Variants in FIGNL2 observed in about 807,000 individuals in gnomAD.
The protein encoded by FIGNL2 is fidgetin like 2, also known as fidgetin-like protein 2.
For synonymous variants in FIGNL2, 565 were observed against 484.0 expected, an observed-to-expected ratio of 1.17 and a Z score of -2.20; for missense variants, 1,060 against 950.2, an observed-to-expected ratio of 1.12 and a Z score of -1.52.
chr12:51,818,305 C>A lies in FIGNL2; in HGVS notation c.*2147G>T, dbSNP rs1279199147. 1 of 152,180 alleles carries A rather than the reference C, an allele frequency of 6.6e-6. No individual in the cohort carries two copies. The highest frequency in any genetic ancestry group is 2.4e-5 in the African/African-American group (1 of 41,408). The allele number at this position is 152,180 out of a possible 1,614,324, so 9.4% of individuals were successfully genotyped here. On this transcript the variant is annotated 3_prime_UTR_variant, in exon 2 of 2. Transcript: ENST00000618634. The stretch of plus-strand genomic sequence containing the variant: ...AGTAGAGAAAGCGGTGGGGACTCCA[C>A]CTCCCAGAGCTCCCTGCCTCTTGAA...
At position 51,820,615 on chromosome 12, in the gene FIGNL2, T is replaced by G; in HGVS notation, c.1799A>C (p.Gln600Pro). 1 of 1,525,554 alleles carries G rather than the reference T, an allele frequency of 6.6e-7. No individual in the cohort carries two copies. Among genetic ancestry groups the G allele is most frequent in the Non-Finnish European group, 8.7e-7 (1 of 1,142,974 alleles). The allele number at this position is 1,525,554 out of a possible 1,614,324, so 94.5% of individuals were successfully genotyped here. A position where few individuals can be genotyped will look rare whatever the true frequency, so the allele number is the denominator to read the frequency against. The stretch of plus-strand genomic sequence containing the variant: ...CCCGGCCGCCGCCTGCTGGCACAGC[T>G]GCCCCAGCTCGCCCCCAGAGAAGCC... ...TQGFSGGELG[Q>P]LCQQAAAGAG... Residue 600 changes from glutamine (Q) to proline (P), a missense_variant, in exon 2 of 2, where the codon CAG becomes CCG. Gln to Pro is a moderately conservative substitution (Grantham distance 76). Transcript: ENST00000618634.
rs910478732 is a variant in FIGNL2 at position 51,847,053 on chromosome 12, C to G, written c.-12+1487G>C. The G allele has an allele frequency of 2.3e-5, 23 of 985,266 alleles. No individual in the cohort carries two copies. The African/African-American group carries it at 3.7e-4, about 16-fold the overall frequency. The allele number at this position is 985,266 out of a possible 1,614,324, so 61.0% of individuals were successfully genotyped here. ...CCCCTGCCCGCAGCTCGCGCGGCCG[C>G]CCGGTACCCGCGTCCCACAGCTGGG... On this transcript the variant is annotated intron_variant, in intron 1 of 1. Coordinates refer to ENST00000618634, the MANE Select transcript of FIGNL2 (RefSeq NM_001384995.1).
At chr12:51,843,111 T>TC (rs1282441617) in intron 1 of FIGNL2, among the ~76,000 whole-genome samples, 2 of 152,122 alleles carry the variant, frequency 1.3e-5, no homozygotes, top group Non-Finnish European at 2.9e-5. Flanking sequence ...CAGAGCCTGG[T>TC]CCATAGGTGT....
In FIGNL2 at chr12:51,820,024, T is replaced by G; in HGVS notation, c.*428A>C. Reference sequence around the variant, plus strand: ...AGGGCCAGCATGGGGTGGGCAGGGGTGTCAGCGACAAAGCAAAAGGGAGAG... The same window carrying G: ...AGGGCCAGCATGGGGTGGGCAGGGGGGTCAGCGACAAAGCAAAAGGGAGAG... On this transcript the variant is annotated 3_prime_UTR_variant, in exon 2 of 2. Transcript: ENST00000618634. 2 of 192,328 alleles carry G rather than the reference T, an allele frequency of 1.0e-5. No homozygotes were observed. Among genetic ancestry groups the G allele is most frequent in the Non-Finnish European group, 2.1e-5 (2 of 93,542 alleles). The allele number at this position is 192,328 out of a possible 1,614,324, so 11.9% of individuals were successfully genotyped here.
intron 1 of FIGNL2, among the ~76,000 whole-genome samples, chr12:51,838,227 G>T (rs946831594): frequency 2.6e-5 from 4 of 152,200 alleles, no homozygotes; most frequent in African/African-American, 9.7e-5. Flanking sequence ...TGCCCTGTCT[G>T]TGTGCTTCCC....
chr12:51,822,314 A>C lies in FIGNL2; in HGVS notation c.100T>G (p.Leu34Val). 2 of 1,612,592 alleles carry C rather than the reference A, an allele frequency of 1.2e-6. No individual in the cohort carries two copies. The highest frequency in any genetic ancestry group is 2.2e-5 in the South Asian group (2 of 90,748). The change falls in exon 2 of 2, where the codon TTG (leucine) becomes GTG (valine). Residue 34 changes from leucine to valine, a missense_variant. Coordinates refer to ENST00000618634, the MANE Select transcript of FIGNL2 (RefSeq NM_001384995.1). ...TTPSPAHKLE[L>V]PPGGRQRCHY... ...CAGCGTTGGCGACCCCCAGGGGGCAACTCCAACTTGTGGGCCGGCGACGGG... is the reference window on the plus strand; with the variant it reads ...CAGCGTTGGCGACCCCCAGGGGGCACCTCCAACTTGTGGGCCGGCGACGGG...
chr12:51,848,064 A>T, intron 1 of FIGNL2: 1 of 891,690 alleles, frequency 1.1e-6, no homozygotes, highest in South Asian at 5.2e-5. Context: ...CCGGGCCAGT[A>T]ACCCAGCCCC....
In FIGNL2 at chr12:51,821,934, G is replaced by A. The variant is rs1220543169; in HGVS notation, c.480C>T (p.Ala160=). ...GCGCCAGGTACCCCCCGCCGTAGCC[G>A]GCCGCGTACTCGGGCGCCGCCGATG... ...GGPSAAPEYA[A]GYGGGYLAPG... is the part of the protein sequence containing the mutation. The change falls in exon 2 of 2, where the codon GCC becomes GCT. Residue 160 remains alanine, a synonymous_variant. Coordinates refer to ENST00000618634, the MANE Select transcript of FIGNL2 (RefSeq NM_001384995.1). The A allele has an allele frequency of 2.0e-6, 3 of 1,510,884 alleles. No homozygotes were observed. Among genetic ancestry groups the A allele is most frequent in the Admixed American group, 2.3e-5 (1 of 43,388 alleles). 93.6% of individuals were successfully genotyped at this position (1,510,884 alleles called of 1,614,324 possible).
intron 1 of FIGNL2, among the ~76,000 whole-genome samples, chr12:51,830,116 C>T (rs1258515392): frequency 6.6e-6 from 1 of 152,044 alleles, no homozygotes; most frequent in East Asian, 1.9e-4. Flanking sequence ...TGGTGAAACT[C>T]CATCTCTACT....
chr12:51,836,487 G>A lies in FIGNL2; in HGVS notation c.-12+12053C>T, dbSNP rs376894059. ...TCCGGGGGTCACAGCTGTGTCCCCC[G>A]AGGCCTGGCCAGTCTCTCATGTCCA... On this transcript the variant is annotated intron_variant, in intron 1 of 1. Transcript: ENST00000618634. 8.5e-5 allele frequency among the ~76,000 whole-genome samples: 13 copies of A among 152,260 alleles called. No homozygotes were observed. The East Asian group carries it at 2.1e-3, about 25-fold the overall frequency.
In FIGNL2 at chr12:51,821,670, G is replaced by A. The variant is rs1366154778; in HGVS notation, c.744C>T (p.Thr248=). The A allele has an allele frequency of 6.4e-6, 9 of 1,408,698 alleles. No individual in the cohort carries two copies. The South Asian group carries it at 1.2e-4, about 19-fold the overall frequency. The allele number at this position is 1,408,698 out of a possible 1,614,324, so 87.3% of individuals were successfully genotyped here. ...GCGCGGCCGTGGGGAAGCCATAGGC[G>A]GTGGGCGGTGCCGGCGCGGGCAGGG... ...PTPLPAPAPP[T]AYGFPTAAPG... Residue 248 remains threonine, a synonymous_variant, in exon 2 of 2, where the codon ACC becomes ACT. Transcript: ENST00000618634.
chr12:51,835,427 G>C (rs1343113884), intron 1 of FIGNL2: 4 of 152,256 alleles, frequency 2.6e-5, no homozygotes, highest in Admixed American at 1.3e-4. Context: ...AAGGAACATA[G>C]TGTGGCGGGA....
At chr12:51,823,045 C>G (rs901305314) in intron 1 of FIGNL2, among the ~76,000 whole-genome samples, 1 of 152,230 alleles carries the variant, frequency 6.6e-6, no homozygotes, top group Non-Finnish European at 1.5e-5. Flanking sequence ...ATGGGACTGC[C>G]TTATCCATGG....
At chr12:51,835,719 C>G (rs1939568508) in intron 1 of FIGNL2, among the ~76,000 whole-genome samples, 1 of 152,038 alleles carries the variant, frequency 6.6e-6, no homozygotes. Context: ...ATAGAAAGTT[C>G]TATCGGACGG....
chr12:51,838,851 G>A (rs1011221801), intron 1 of FIGNL2, among the ~76,000 whole-genome samples: 2 of 152,134 alleles, frequency 1.3e-5, no homozygotes, highest in Non-Finnish European at 2.9e-5. Context: ...TAATCCTGGA[G>A]CTGCCTGCGG....
At chr12:51,825,111 GT>G (rs60029830) in intron 1 of FIGNL2, among the ~76,000 whole-genome samples, 1,769 of 147,894 alleles carry the variant, frequency 0.012, 24 homozygotes, top group African/African-American at 0.039. Context: ...CCACAAATCT[GT>G]TTTTTTTTTT....
chr12:51,837,123 T>A (rs568135597), intron 1 of FIGNL2, among the ~76,000 whole-genome samples: 2 of 152,238 alleles, frequency 1.3e-5, no homozygotes, highest in South Asian at 4.1e-4. Context: ...TCCTCCCGTC[T>A]GCCTCTCAGG....
intron 1 of FIGNL2, among the ~76,000 whole-genome samples, chr12:51,830,204 G>A (rs1406123032): frequency 6.0e-5 from 9 of 151,154 alleles, no homozygotes; most frequent in African/African-American, 2.2e-4. Flanking sequence ...CAGGAGAATC[G>A]CTTGAACCTG....
intron 1 of FIGNL2, among the ~76,000 whole-genome samples, chr12:51,823,748 T>G (rs1319835585): frequency 2.0e-5 from 3 of 152,246 alleles, no homozygotes; most frequent in Non-Finnish European, 4.4e-5. Context: ...TCACGTATTC[T>G]CATAGGTTCA....
Sources: gnomAD v4.1 joint callset for allele counts (sites outside exome capture counted in the v4.1 genomes callset) on GRCh38, gnomAD v4.1.1 for gene constraint, MANE v1.5 for transcripts, NCBI Gene and HGNC (gene_info 2026-07-23, HGNC 2026-07-21) for gene names.